The following FLNB variants were observed in gnomAD, a reference collection of about 807,000 sequenced individuals.
FLNB encodes filamin B, also known as filamin-B.
A neutral mutation model predicts 250.6 loss-of-function variants in FLNB; 111 were observed. The ratio of observed to expected loss-of-function variants is 0.44; its 90% CI spans 0.38 to 0.52. The LOEUF (loss-of-function observed/expected upper bound fraction) is 0.52, where lower values mean the gene tolerates loss of function less well. Among genes scored for constraint, FLNB ranks in the 20% least tolerant of loss-of-function variants. The pLI, the probability that FLNB is intolerant of heterozygous loss-of-function variation, is 0.00. For synonymous variants in FLNB, 1,302 were observed against 1,372.1 expected (o/e 0.95, Z 1.13); for missense variants, 2,869 against 3,447.8 (o/e 0.83, Z 4.20).
chr3:58,022,943 G>A (rs1445787109), intron 1 of FLNB, among the ~76,000 whole-genome samples: 1 of 151,210 alleles, frequency 6.6e-6, no homozygotes, highest in Non-Finnish European at 1.5e-5. Context: ...TCAGCCTCCC[G>A]AGTAGCTGGG....
rs571671901 is a variant in FLNB at position 58,105,272 on chromosome 3, C to T, written c.1747+56C>T. 1,237 of 1,610,338 alleles carry T rather than the reference C, an allele frequency of 7.7e-4. 1 individual carries two copies. The highest frequency in any genetic ancestry group is 9.1e-4 in the Non-Finnish European group (1,075 of 1,177,078). ...GGAGGACTGAGGATTACAGGGCTTCCGGGCTGTGTCAGGCTGGATGTTGGG... is the reference window on the plus strand; with the variant it reads ...GGAGGACTGAGGATTACAGGGCTTCTGGGCTGTGTCAGGCTGGATGTTGGG... On this transcript the variant is annotated intron_variant, in intron 11 of 45. Transcript: ENST00000295956.
intron 20 of FLNB, among the ~76,000 whole-genome samples, chr3:58,122,795 T>C (rs1196259405): frequency 1.3e-5 from 2 of 152,160 alleles, no homozygotes; most frequent in African/African-American, 4.8e-5. Flanking sequence ...GGTTTCCAAG[T>C]CCAGGCCTGT....
chr3:58,008,750 G>A lies in FLNB; in HGVS notation c.186G>A (p.Met62Ile). 6.2e-7 allele frequency: 1 copy of A among 1,614,042 alleles called. No individual in the cohort carries two copies. The highest frequency in any genetic ancestry group is 1.1e-5 in the South Asian group (1 of 91,080). The change falls in exon 1 of 46, where the codon ATG becomes ATA. Residue 62 changes from methionine (M) to isoleucine (I), a missense_variant. Physicochemically the swap from Met to Ile is conservative, Grantham distance 10. This residue lies in a region of FLNB where 308 missense variants were observed against 466.1 expected (regional missense o/e 0.66). Transcript: ENST00000295956. The stretch of plus-strand genomic sequence containing the variant: ...TCGAGGTGCTCAGCCAGAAGCGCAT[G>A]TACCGCAAGTACCATCAGCGGCCCA... ...ALLEVLSQKR[M>I]YRKYHQRPTF...
intron 45 of FLNB, 65 bp from the exon 46 acceptor site, chr3:58,170,510 A>G (rs923751593): frequency 1.6e-5 from 25 of 1,530,608 alleles, no homozygotes; most frequent in African/African-American, 4.1e-5. Flanking sequence ...TGGCTCTCAT[A>G]TTTCCTCTTC....
intron 8 of FLNB, among the ~76,000 whole-genome samples, chr3:58,100,373 A>AAAAAAAAAAAAAATATATATATATATAT: frequency 9.6e-6 from 1 of 104,346 alleles, no homozygotes; most frequent in African/African-American, 4.6e-5. Flanking sequence ...GTAAAAAAAA[A>AAAAAAAAAAAAAATATATATATATATAT]ATATATATAT....
At chr3:58,110,873 C>G (rs1239850731) in intron 16 of FLNB, among the ~76,000 whole-genome samples, 2 of 152,160 alleles carry the variant, frequency 1.3e-5, no homozygotes, top group Non-Finnish European at 2.9e-5. Flanking sequence ...ATTTGGCCTC[C>G]TTTTTGGTGT....
intron 18 of FLNB, among the ~76,000 whole-genome samples, chr3:58,116,983 G>A (rs2097279193): frequency 6.6e-6 from 1 of 152,122 alleles, no homozygotes; most frequent in Non-Finnish European, 1.5e-5. Context: ...CTCCTGGAGG[G>A]CCCTAAAAGG....
chr3:58,130,201 C>T (rs893568616), intron 24 of FLNB, among the ~76,000 whole-genome samples: 1 of 152,106 alleles, frequency 6.6e-6, no homozygotes, highest in Admixed American at 6.5e-5. Flanking sequence ...GGCTGCAGGG[C>T]CTGCCCATCT....
At position 58,148,076 on chromosome 3, in the gene FLNB, ATT is replaced by A. The variant is rs66977380; in HGVS notation, c.5729-122_5729-121del. ...TGGGTCTACTCAGTGTTCAAGGCTCATTTTTTTTTCACTTAACTTTGTGTAAT... is the reference window on the plus strand; with the variant it reads ...TGGGTCTACTCAGTGTTCAAGGCTCATTTTTTTCACTTAACTTTGTGTAAT... On this transcript the variant is annotated intron_variant, in intron 34 of 45. Coordinates refer to ENST00000295956, the MANE Select transcript of FLNB (RefSeq NM_001457.4). The A allele has an allele frequency of 1.6e-4, 141 of 899,140 alleles. No individual in the cohort carries two copies. In the African/African-American group the frequency reaches 1.8e-3, roughly 12 times the overall value. The allele number at this position is 899,140 out of a possible 1,614,324, so 55.7% of individuals were successfully genotyped here. A position where few individuals can be genotyped will look rare whatever the true frequency, so the allele number is the denominator to read the frequency against.
chr3:58,014,577 G>T (rs1289034890), intron 1 of FLNB, among the ~76,000 whole-genome samples: 1 of 152,190 alleles, frequency 6.6e-6, no homozygotes, highest in Non-Finnish European at 1.5e-5. Context: ...TTGGGTCCTG[G>T]TTTTGTGCTG....
chr3:58,125,550 A>G (rs1395449524), intron 22 of FLNB, 31 bp from the exon 23 acceptor site: 10 of 1,612,764 alleles, frequency 6.2e-6, no homozygotes, highest in Non-Finnish European at 8.5e-6. Flanking sequence ...TTTGTATGCA[A>G]ATATGCGTTT....
rs777739993 is a variant in FLNB at position 58,153,482 on chromosome 3, C to T, written c.6475C>T (p.Pro2159Ser). 1.9e-6 allele frequency: 3 copies of T among 1,614,224 alleles called. No individual in the cohort carries two copies. In the South Asian group the frequency reaches 3.3e-5, roughly 18 times the overall value. ...GKNSHCVRFV[P>S]QEMGVHTVSV... ...GAACTCACACTGCGTCCGGTTTGTG[C>T]CCCAGGAGATGGGCGTGCACACGGT... Residue 2159 changes from proline to serine, a missense_variant, in exon 39 of 46, where the codon CCC (proline) becomes TCC (serine). Pro to Ser is a moderately conservative substitution (Grantham distance 74, BLOSUM62 -1). Transcript: ENST00000295956.
At chr3:58,096,309 AT>A (rs1445773780) in intron 6 of FLNB, 91 bp downstream of exon 6, 1 of 930,752 alleles carries the variant, frequency 1.1e-6, no homozygotes, top group Non-Finnish European at 1.7e-6. Flanking sequence ...TCTTAAGTGA[AT>A]TTCTGATTTT....
intron 6 of FLNB, 71 bp from the exon 7 acceptor site, chr3:58,097,744 T>C: frequency 7.1e-7 from 1 of 1,407,672 alleles, no homozygotes. Context: ...CATCAATGTA[T>C]GTGGCTTGAT....
rs187094333 is a variant in FLNB, at chr3:58,170,476, A to C, written c.7622-99A>C. 572 of 1,216,188 alleles carry C rather than the reference A, an allele frequency of 4.7e-4. 3 individuals are homozygous for C. The East Asian group carries it at 8.1e-3, about 17-fold the overall frequency. The allele number at this position is 1,216,188 out of a possible 1,614,324, so 75.3% of individuals were successfully genotyped here. A position where few individuals can be genotyped will look rare whatever the true frequency, so the allele number is the denominator to read the frequency against. ...TCTCCCACCTCTTAGGGGCCCCAGC[A>C]TTATCGTGGAAGCACCTTACCTTTG... On this transcript the variant is annotated intron_variant, in intron 45 of 45. Transcript: ENST00000295956.
intron 1 of FLNB, among the ~76,000 whole-genome samples, chr3:58,070,547 G>A (rs2097192699): frequency 6.6e-6 from 1 of 152,112 alleles, no homozygotes; most frequent in Admixed American, 6.5e-5. Context: ...AGAGATGAGG[G>A]GGCAGAGTGC....
At chr3:58,054,416 C>G (rs1484954236) in intron 1 of FLNB, among the ~76,000 whole-genome samples, 1 of 152,108 alleles carries the variant, frequency 6.6e-6, no homozygotes, top group Non-Finnish European at 1.5e-5. Context: ...TTAGTCCGTT[C>G]TCAACACTGC....
chr3:58,046,064 A>T (rs1479582110), intron 1 of FLNB, among the ~76,000 whole-genome samples: 2 of 151,892 alleles, frequency 1.3e-5, no homozygotes, highest in Non-Finnish European at 2.9e-5. Context: ...GGAGAACCTC[A>T]AGATGCCTTC....
intron 38 of FLNB, among the ~76,000 whole-genome samples, chr3:58,151,704 G>A (rs1469071082): frequency 6.6e-6 from 1 of 152,252 alleles, no homozygotes. Context: ...GAAAAAGAGA[G>A]ATTCCATTTC....
Sources: allele counts gnomAD v4.1 joint callset (sites outside exome capture counted in the v4.1 genomes callset), GRCh38; gene constraint gnomAD v4.1.1; regional missense constraint gnomAD v4.1.1; transcripts MANE v1.5; gene names NCBI Gene and HGNC (gene_info 2026-07-23, HGNC 2026-07-21).